The following EPHA3 variants were observed in gnomAD, a reference collection of about 807,000 sequenced individuals.
EPHA3 encodes EPH receptor A3.
A neutral mutation model predicts 107.1 loss-of-function variants in EPHA3; 42 were observed. The observed-to-expected ratio is 0.39, with a 90% confidence interval of 0.31 to 0.51. EPHA3 has a LOEUF of 0.51. Ranked by LOEUF, EPHA3 falls within the 20% of genes least tolerant of loss-of-function variation. The pLI, the probability that EPHA3 is intolerant of heterozygous loss-of-function variation, is 0.78. For missense variants in EPHA3, 1,183 were observed against 1,211.2 expected (o/e 0.98, Z 0.35); for synonymous variants, 461 against 424.8 (o/e 1.09, Z -1.05).
At chr3:89,444,466 G>T (rs182079548) in intron 13 of EPHA3, among the ~76,000 whole-genome samples, 3 of 151,696 alleles carry the variant, frequency 2.0e-5, no homozygotes, top group African/African-American at 7.2e-5. Context: ...GATATTATTT[G>T]CTTGCCATAG....
At chr3:89,270,520 A>C (rs963199013) in intron 3 of EPHA3, among the ~76,000 whole-genome samples, 4 of 152,070 alleles carry the variant, frequency 2.6e-5, no homozygotes, top group African/African-American at 9.7e-5. Context: ...ATAATGTTTT[A>C]AATTGTGTAG....
At chr3:89,139,927 C>G (rs1337405928) in intron 2 of EPHA3, among the ~76,000 whole-genome samples, 1 of 151,792 alleles carries the variant, frequency 6.6e-6, no homozygotes, top group Non-Finnish European at 1.5e-5. Context: ...ATTGCAGCAG[C>G]ACCCAAGATA....
At chr3:89,137,646 G>T (rs1332980032) in intron 2 of EPHA3, among the ~76,000 whole-genome samples, 3 of 151,708 alleles carry the variant, frequency 2.0e-5, no homozygotes, top group South Asian at 2.1e-4. Context: ...TCACTTTATT[G>T]AGAAATAATT....
chr3:89,444,828 G>A (rs1006376470), intron 13 of EPHA3, among the ~76,000 whole-genome samples: 10 of 152,078 alleles, frequency 6.6e-5, no homozygotes, highest in African/African-American at 2.4e-4. Flanking sequence ...AGATAGAAAA[G>A]AGATAAGAGT....
chr3:89,248,333 A>T (rs1290287874), intron 3 of EPHA3, among the ~76,000 whole-genome samples: 1 of 151,982 alleles, frequency 6.6e-6, no homozygotes, highest in Non-Finnish European at 1.5e-5. Flanking sequence ...TGATCACTAG[A>T]CTCATTCTAA....
intron 3 of EPHA3, 142 bp from the exon 4 acceptor site, chr3:89,340,774 G>A (rs1707500304): frequency 2.5e-6 from 2 of 802,312 alleles, no homozygotes; most frequent in South Asian, 2.8e-5. Flanking sequence ...AGTAGGCTCT[G>A]TCATTTGCTT....
At chr3:89,291,826 T>A (rs1706212636) in intron 3 of EPHA3, among the ~76,000 whole-genome samples, 1 of 152,208 alleles carries the variant, frequency 6.6e-6, no homozygotes, top group Non-Finnish European at 1.5e-5. Flanking sequence ...CTGGCTAGGC[T>A]AAATGAAAAT....
At chr3:89,231,274 T>C (rs1331743210) in intron 3 of EPHA3, among the ~76,000 whole-genome samples, 1 of 152,128 alleles carries the variant, frequency 6.6e-6, no homozygotes, top group Non-Finnish European at 1.5e-5. Context: ...TAGACCAAAC[T>C]CAATTAATGA....
intron 3 of EPHA3, among the ~76,000 whole-genome samples, chr3:89,330,468 T>A (rs1205894376): frequency 1.3e-5 from 2 of 152,082 alleles, no homozygotes; most frequent in Non-Finnish European, 2.9e-5. Context: ...TAAGTCATAG[T>A]AATAAATTTC....
At chr3:89,170,289 AAAT>A (rs1443189463) in intron 2 of EPHA3, among the ~76,000 whole-genome samples, 1 of 152,124 alleles carries the variant, frequency 6.6e-6, no homozygotes, top group African/African-American at 2.4e-5. Flanking sequence ...TAGCCTCAGA[AAAT>A]AATGATTTAA....
Position 89,472,518 on chromosome 3 carries a change from A to C in EPHA3, c.2745A>C (p.Thr915=). ...QSNVDITTFR[T]TGDWLNGVWT... ...ATGTGGATATCACTACCTTCCGCACAACAGGTGACTGGCTTAATGGTGTCT... is the reference window on the plus strand; with the variant it reads ...ATGTGGATATCACTACCTTCCGCACCACAGGTGACTGGCTTAATGGTGTCT... The change falls in exon 16 of 17, where the codon ACA becomes ACC. Residue 915 remains threonine, a synonymous_variant. Transcript: ENST00000336596. 2 of 1,614,122 alleles carry C rather than the reference A, an allele frequency of 1.2e-6. No individual in the cohort carries two copies. Among genetic ancestry groups the C allele is most frequent in the Non-Finnish European group, 8.5e-7 (1 of 1,179,996 alleles).
At chr3:89,382,163 G>A (rs1440696043) in intron 5 of EPHA3, among the ~76,000 whole-genome samples, 1 of 152,016 alleles carries the variant, frequency 6.6e-6, no homozygotes, top group Non-Finnish European at 1.5e-5. Context: ...ATGTTTTATT[G>A]TAACTCAGGT....
At chr3:89,316,442 A>G (rs1403393003) in intron 3 of EPHA3, among the ~76,000 whole-genome samples, 1 of 149,104 alleles carries the variant, frequency 6.7e-6, no homozygotes, top group African/African-American at 2.5e-5. Flanking sequence ...ATCTGGTACA[A>G]TACAGAGGTC....
chr3:89,352,392 A>G (rs1707847570), intron 5 of EPHA3, among the ~76,000 whole-genome samples: 1 of 151,308 alleles, frequency 6.6e-6, no homozygotes, highest in South Asian at 2.1e-4. Flanking sequence ...AATTTTAAAC[A>G]ATTAATTATT....
At chr3:89,268,384 T>C (rs946330478) in intron 3 of EPHA3, among the ~76,000 whole-genome samples, 1 of 152,132 alleles carries the variant, frequency 6.6e-6, no homozygotes, top group Non-Finnish European at 1.5e-5. Context: ...CTAATCTTCA[T>C]TGCTTAGAAA....
At chr3:89,421,675 A>G (rs1709355943) in intron 11 of EPHA3, among the ~76,000 whole-genome samples, 2 of 151,272 alleles carry the variant, frequency 1.3e-5, no homozygotes, top group Admixed American at 1.3e-4. Context: ...GTTATGAATT[A>G]TGAAAGCTAC....
chr3:89,363,163 C>A (rs1313219814), intron 5 of EPHA3, among the ~76,000 whole-genome samples: 1 of 150,628 alleles, frequency 6.6e-6, no homozygotes, highest in Non-Finnish European at 1.5e-5. Context: ...GAAGCAGAAC[C>A]AATAGACTGT....
At chr3:89,181,834 G>A (rs1334552584) in intron 2 of EPHA3, among the ~76,000 whole-genome samples, 1 of 151,978 alleles carries the variant, frequency 6.6e-6, no homozygotes, top group Non-Finnish European at 1.5e-5. Flanking sequence ...CATGCTAATT[G>A]AGTGAAAGTC....
chr3:89,405,549 T>A (rs1709039716), intron 7 of EPHA3, among the ~76,000 whole-genome samples: 1 of 152,208 alleles, frequency 6.6e-6, no homozygotes, highest in Non-Finnish European at 1.5e-5. Flanking sequence ...TTTCTTCAGA[T>A]GCTGCTCACA....
Sources: gnomAD v4.1 joint callset for allele counts (sites outside exome capture counted in the v4.1 genomes callset) on GRCh38, gnomAD v4.1.1 for gene constraint, MANE v1.5 for transcripts, NCBI Gene and HGNC (gene_info 2026-07-23, HGNC 2026-07-21) for gene names.